GPHN: variants seen among roughly 807,000 people sequenced by gnomAD.
GPHN encodes the protein gephyrin.
Under a neutral mutation model 95.5 loss-of-function variants are expected in GPHN, and 17 were observed. That is an observed-to-expected ratio of 0.18 (90% CI 0.12 to 0.27). GPHN has a LOEUF of 0.27. Among genes scored for constraint, GPHN ranks in the 10% least tolerant of loss-of-function variants. GPHN has a pLI of 1.00. For missense variants in GPHN, 660 were observed against 978.1 expected (o/e 0.67, Z 4.34); for synonymous variants, 320 against 322.5 (o/e 0.99, Z 0.08).
chr14:67,674,477 C>CGGA, the GPHN span: 2 of 1,605,162 alleles, frequency 1.2e-6, no homozygotes, highest in South Asian at 1.1e-5. Flanking sequence ...GAGGAGGCGG[C>CGGA]GGAGGAGGCC....
intron 17 of GPHN, among the ~76,000 whole-genome samples, chr14:67,128,751 A>G (rs1446142203): frequency 6.6e-6 from 1 of 151,736 alleles, no homozygotes; most frequent in Non-Finnish European, 1.5e-5. Flanking sequence ...CCTGGCCAGT[A>G]TGGTGAAACG....
At chr14:67,016,739 T>G (rs2073334369) in intron 9 of GPHN, among the ~76,000 whole-genome samples, 1 of 152,108 alleles carries the variant, frequency 6.6e-6, no homozygotes, top group Non-Finnish European at 1.5e-5. Flanking sequence ...CTCAGACCTT[T>G]ACTCAGACTT....
intron 1 of GPHN, among the ~76,000 whole-genome samples, chr14:66,680,073 A>T (rs1036681130): frequency 7.2e-5 from 11 of 152,214 alleles, no homozygotes; most frequent in Non-Finnish European, 1.3e-4. Context: ...CAACTCAATT[A>T]TGAATCTTAC....
the GPHN span, chr14:67,615,789 T>C: frequency 1.9e-6 from 1 of 535,540 alleles, no homozygotes; most frequent in Admixed American, 2.5e-5. Flanking sequence ...TCAGCCTTTT[T>C]CTTGTTCTGT....
At chr14:67,025,096 C>G (rs1244527395) in intron 10 of GPHN, among the ~76,000 whole-genome samples, 1 of 152,056 alleles carries the variant, frequency 6.6e-6, no homozygotes, top group Non-Finnish European at 1.5e-5. Context: ...TTAGATTGCA[C>G]TTTGATTTCT....
At chr14:67,191,631 C>A in the GPHN span, among the ~76,000 whole-genome samples, 1 of 152,172 alleles carries the variant, frequency 6.6e-6, no homozygotes, top group Non-Finnish European at 1.5e-5. Context: ...ATCCCATATC[C>A]GTATCTAAGA....
At chr14:67,318,239 C>T in the GPHN span, among the ~76,000 whole-genome samples, 1 of 152,162 alleles carries the variant, frequency 6.6e-6, no homozygotes, top group East Asian at 1.9e-4. Flanking sequence ...GGGAGCAGCA[C>T]ACATTAAACT....
At chr14:67,577,178 C>T in the GPHN span, 1 of 689,176 alleles carries the variant, frequency 1.5e-6, no homozygotes, top group Non-Finnish European at 2.5e-6. Context: ...AAACCCAGCA[C>T]AACCCAAGTG....
the GPHN span, among the ~76,000 whole-genome samples, chr14:67,621,280 T>C: frequency 6.6e-6 from 1 of 152,190 alleles, no homozygotes; most frequent in South Asian, 2.1e-4. Context: ...TAAAATTCCA[T>C]TTTCCTAACT....
chr14:66,891,750 C>G (rs1371085550), intron 5 of GPHN, among the ~76,000 whole-genome samples: 1 of 149,992 alleles, frequency 6.7e-6, no homozygotes, highest in African/African-American at 2.4e-5. Flanking sequence ...TATTAATATT[C>G]TATATATATA....
At chr14:67,309,047 G>T in the GPHN span, among the ~76,000 whole-genome samples, 1 of 152,064 alleles carries the variant, frequency 6.6e-6, no homozygotes, top group Admixed American at 6.6e-5. Context: ...AGATAATTGC[G>T]TCCAAACAGT....
At chr14:66,725,039 T>C (rs1169017730) in intron 2 of GPHN, among the ~76,000 whole-genome samples, 1 of 152,192 alleles carries the variant, frequency 6.6e-6, no homozygotes, top group African/African-American at 2.4e-5. Flanking sequence ...AGTGTGGCTC[T>C]TCTTATAGGG....
chr14:67,582,655 AAAAAAT>A, the GPHN span, among the ~76,000 whole-genome samples: 3 of 151,988 alleles, frequency 2.0e-5, no homozygotes, highest in Non-Finnish European at 2.9e-5. This position sits in a 1 kb window ranked among gnomAD's most constrained non-coding sequence, Gnocchi z 5.0. Flanking sequence ...CTCTACTGAA[AAAAAAT>A]AAAATAAAAT....
the GPHN span, chr14:67,269,614 T>G: frequency 6.6e-6 from 1 of 152,634 alleles, no homozygotes; most frequent in African/African-American, 2.4e-5. Flanking sequence ...GTTATCATAT[T>G]GAATTAGTCT....
At chr14:66,687,219 A>T (rs1414624065) in intron 2 of GPHN, among the ~76,000 whole-genome samples, 3 of 152,146 alleles carry the variant, frequency 2.0e-5, no homozygotes, top group African/African-American at 7.2e-5. Context: ...GAAAGTTAAC[A>T]AAGATATCCA....
intron 1 of GPHN, among the ~76,000 whole-genome samples, chr14:66,590,848 C>T (rs1258746229): frequency 1.3e-5 from 2 of 151,918 alleles, no homozygotes; most frequent in Non-Finnish European, 2.9e-5. Flanking sequence ...AGAGACACAA[C>T]AAAAAAAGAA....
At chr14:67,724,506 T>C in the GPHN span, 4 of 1,612,734 alleles carry the variant, frequency 2.5e-6, no homozygotes, top group South Asian at 3.3e-5. Flanking sequence ...GTAGAACAAA[T>C]GTGCAGCTTC....
At chr14:67,060,944 A>T (rs541152548) in intron 11 of GPHN, among the ~76,000 whole-genome samples, 1 of 152,252 alleles carries the variant, frequency 6.6e-6, no homozygotes, top group East Asian at 1.9e-4. Context: ...CAAATACTAA[A>T]CTTATTTTGT....
At chr14:67,219,665 TA>T in the GPHN span, among the ~76,000 whole-genome samples, 1 of 152,148 alleles carries the variant, frequency 6.6e-6, no homozygotes, top group African/African-American at 2.4e-5. Context: ...TTAGAAATGA[TA>T]AAAAATGAAT....
Sources: gnomAD v4.1 joint callset for allele counts (sites outside exome capture counted in the v4.1 genomes callset) on GRCh38, gnomAD v4.1.1 for gene constraint, Gnocchi (gnomAD v3.1) non-coding constraint, MANE v1.5 for transcripts, NCBI Gene and HGNC (gene_info 2026-07-23, HGNC 2026-07-21) for gene names.